The following PRKCE variants were observed in gnomAD, a reference collection of about 807,000 sequenced individuals.
The protein encoded by PRKCE is protein kinase C epsilon, also known as protein kinase C epsilon type.
Under a neutral mutation model 85.4 loss-of-function variants are expected in PRKCE, and 16 were observed. That is an observed-to-expected ratio of 0.19 (90% CI 0.13 to 0.28). PRKCE has a LOEUF of 0.28. Ranked by LOEUF, PRKCE falls within the 10% of genes least tolerant of loss-of-function variation. The probability of loss-of-function intolerance (pLI) is 1.00; values close to 1 mark genes in which losing one functional copy is unlikely to be tolerated. For missense variants in PRKCE, 573 were observed against 975.2 expected, an observed-to-expected ratio of 0.59 and a Z score of 5.49; for synonymous variants, 388 against 371.5, an observed-to-expected ratio of 1.04 and a Z score of -0.51.
At chr2:46,002,316 C>A (rs1337145140) in intron 7 of PRKCE, among the ~76,000 whole-genome samples, 1 of 152,226 alleles carries the variant, frequency 6.6e-6, no homozygotes, top group Non-Finnish European at 1.5e-5. Flanking sequence ...GTGAAGGGTG[C>A]AGTGGGGCGT....
intron 2 of PRKCE, among the ~76,000 whole-genome samples, chr2:45,894,136 A>G (rs1573780733): frequency 6.6e-6 from 1 of 152,112 alleles, no homozygotes; most frequent in Non-Finnish European, 1.5e-5. Flanking sequence ...GGTGTTCAAT[A>G]GTGCATGTCT....
In PRKCE at chr2:46,031,213, C is replaced by T. The variant is rs1394733634; in HGVS notation, c.1437+20696C>T. Among the ~76,000 whole-genome samples, 3 of 152,180 alleles carry T rather than the reference C, an allele frequency of 2.0e-5. No homozygotes were observed. The East Asian group carries it at 5.8e-4, about 29-fold the overall frequency. Reference sequence around the variant, plus strand: ...GACCGTATTTTGAGACTTTGAGCACCACTCATGCCCAGCAAAATAAAATGT... The same window carrying T: ...GACCGTATTTTGAGACTTTGAGCACTACTCATGCCCAGCAAAATAAAATGT... On this transcript the variant is annotated intron_variant, in intron 10 of 14. Coordinates refer to ENST00000306156, the MANE Select transcript of PRKCE (RefSeq NM_005400.3).
At chr2:45,893,814 G>A (rs1056449347) in intron 2 of PRKCE, among the ~76,000 whole-genome samples, 2 of 152,154 alleles carry the variant, frequency 1.3e-5, no homozygotes, top group Admixed American at 6.5e-5. Context: ...CAACTATGCG[G>A]TGAGCTCCTG....
intron 13 of PRKCE, among the ~76,000 whole-genome samples, chr2:46,157,218 C>G (rs1196946967): frequency 6.6e-6 from 1 of 152,154 alleles, no homozygotes; most frequent in African/African-American, 2.4e-5. Context: ...AGATGAGTAA[C>G]TAAAGGAAAA....
At chr2:45,951,732 C>T (rs1183691750) in intron 2 of PRKCE, among the ~76,000 whole-genome samples, 3 of 152,252 alleles carry the variant, frequency 2.0e-5, no homozygotes, top group African/African-American at 7.2e-5. Context: ...CACACCTCAT[C>T]CTCTGAGTTT....
chr2:46,111,086 G>C (rs1448055679), intron 11 of PRKCE, among the ~76,000 whole-genome samples: 1 of 152,026 alleles, frequency 6.6e-6, no homozygotes, highest in Non-Finnish European at 1.5e-5. Context: ...TACATTTGAG[G>C]CAGTTTTTCT....
chr2:45,918,197 G>A (rs1218943359), intron 2 of PRKCE, among the ~76,000 whole-genome samples: 1 of 152,160 alleles, frequency 6.6e-6, no homozygotes, highest in Non-Finnish European at 1.5e-5. Flanking sequence ...CACCGAGAGC[G>A]AGCGAGGGCT....
chr2:46,179,799 G>A (rs1052375847), intron 14 of PRKCE, among the ~76,000 whole-genome samples: 1 of 152,120 alleles, frequency 6.6e-6, no homozygotes, highest in Non-Finnish European at 1.5e-5. Context: ...GATGGTCTGG[G>A]ATGCCTGGCT....
At chr2:45,741,839 T>A (rs187094050) in intron 1 of PRKCE, among the ~76,000 whole-genome samples, 1 of 152,316 alleles carries the variant, frequency 6.6e-6, no homozygotes, top group Non-Finnish European at 1.5e-5. Flanking sequence ...GTCCTCTCAG[T>A]GGGCATGTGG....
At chr2:45,830,980 C>T (rs1035289227) in intron 1 of PRKCE, among the ~76,000 whole-genome samples, 1 of 152,296 alleles carries the variant, frequency 6.6e-6, no homozygotes, top group South Asian at 2.1e-4. Context: ...TGGCTGCACC[C>T]AGCAGAACAG....
intron 1 of PRKCE, among the ~76,000 whole-genome samples, chr2:45,718,642 A>G (rs1189091503): frequency 6.6e-6 from 1 of 152,112 alleles, no homozygotes; most frequent in Non-Finnish European, 1.5e-5. Flanking sequence ...GCGCCCAGCC[A>G]AGAACAATTG....
At chr2:46,146,451 A>G (rs993979909) in intron 12 of PRKCE, among the ~76,000 whole-genome samples, 4 of 152,272 alleles carry the variant, frequency 2.6e-5, no homozygotes, top group African/African-American at 9.6e-5. Flanking sequence ...GGAGTGATAG[A>G]TAAGTAAACA....
rs116710389 is a variant in PRKCE at position 46,172,504 on chromosome 2, G to A, written c.2068-12231G>A. Among the ~76,000 whole-genome samples the A allele has an allele frequency of 1.8e-3, 279 of 152,328 alleles. 1 individual carries two copies. Among genetic ancestry groups the A allele is most frequent in the African/African-American group, 6.4e-3 (265 of 41,562 alleles). On this transcript the variant is annotated intron_variant, in intron 14 of 14. Transcript: ENST00000306156. The stretch of plus-strand genomic sequence containing the variant: ...GCCTGGGCGGGCCTGGGCGTGCCTG[G>A]GCGGCCCTGGGAGGGTTTGAGGAGC...
chr2:45,745,738 G>T (rs1043907048), intron 1 of PRKCE, among the ~76,000 whole-genome samples: 5 of 152,184 alleles, frequency 3.3e-5, no homozygotes, highest in African/African-American at 9.7e-5. Flanking sequence ...GATAATACGT[G>T]TGGACCAGCC....
At chr2:45,739,999 C>T (rs1182837414) in intron 1 of PRKCE, among the ~76,000 whole-genome samples, 1 of 152,086 alleles carries the variant, frequency 6.6e-6, no homozygotes, top group African/African-American at 2.4e-5. Flanking sequence ...CAAGAAACCA[C>T]AAAGTGTTAG....
At chr2:46,074,124 G>T (rs1322438877) in intron 10 of PRKCE, 1 of 152,072 alleles carries the variant, frequency 6.6e-6, no homozygotes, top group Non-Finnish European at 1.5e-5. Context: ...TTTATTGGGG[G>T]GTCAGCTTCC....
At chr2:45,963,406 T>C (rs938842596) in intron 2 of PRKCE, among the ~76,000 whole-genome samples, 8 of 152,156 alleles carry the variant, frequency 5.3e-5, no homozygotes, top group African/African-American at 1.9e-4. Flanking sequence ...CCTCCCTGGT[T>C]CAAGCAACTC....
At chr2:45,678,059 T>C (rs950547462) in intron 1 of PRKCE, 14 of 218,024 alleles carry the variant, frequency 6.4e-5, no homozygotes, top group African/African-American at 2.6e-4. Context: ...GGGGAAAACT[T>C]TGTGGTCACA....
At chr2:45,987,555 CAG>C (rs1417950326) in intron 6 of PRKCE, among the ~76,000 whole-genome samples, 2 of 152,064 alleles carry the variant, frequency 1.3e-5, no homozygotes, top group African/African-American at 2.4e-5. Context: ...GCAGAAAGTA[CAG>C]AGAGTCCCTG....
Sources: gnomAD v4.1 joint callset for allele counts (sites outside exome capture counted in the v4.1 genomes callset) on GRCh38, gnomAD v4.1.1 for gene constraint, MANE v1.5 for transcripts, NCBI Gene and HGNC (gene_info 2026-07-23, HGNC 2026-07-21) for gene names.